PRKCQ: variants seen among roughly 807,000 people sequenced by gnomAD.
PRKCQ encodes protein kinase C theta, also known as protein kinase C theta type.
A neutral mutation model predicts 91.2 loss-of-function variants in PRKCQ; 41 were observed. The ratio of observed to expected loss-of-function variants is 0.45; its 90% confidence interval spans 0.35 to 0.58. The LOEUF (loss-of-function observed/expected upper bound fraction) is 0.58, where lower values mean the gene tolerates loss of function less well. PRKCQ is among the 20% of genes least tolerant of loss of function. PRKCQ has a pLI of 0.00. For missense variants in PRKCQ, 673 were observed against 896.5 expected (o/e 0.75, Z 3.18); for synonymous variants, 307 against 316.9 (o/e 0.97, Z 0.33).
the PRKCQ span, among the ~76,000 whole-genome samples, chr10:6,419,281 TAA>T: frequency 1.3e-5 from 2 of 152,168 alleles, no homozygotes; most frequent in African/African-American, 4.8e-5. Context: ...ACGTATACAT[TAA>T]GTGTTTGTGT....
At chr10:6,481,895 A>G (rs1836618296) in intron 11 of PRKCQ, among the ~76,000 whole-genome samples, 1 of 152,070 alleles carries the variant, frequency 6.6e-6, no homozygotes. Context: ...CCTATATTCC[A>G]TATCATCCCT....
chr10:6,570,755 G>A (rs569105893), intron 1 of PRKCQ, among the ~76,000 whole-genome samples: 104 of 152,028 alleles, frequency 6.8e-4, no homozygotes, highest in African/African-American at 2.4e-3. Flanking sequence ...GGGTTTCACC[G>A]TGTTGGCCAG....
At chr10:6,433,009 T>C (rs1833498283) in intron 16 of PRKCQ, among the ~76,000 whole-genome samples, 1 of 152,204 alleles carries the variant, frequency 6.6e-6, no homozygotes, top group Non-Finnish European at 1.5e-5. Context: ...GGGAGCTCTC[T>C]CTCTTCTGTT....
intron 1 of PRKCQ, among the ~76,000 whole-genome samples, chr10:6,525,939 G>A (rs1418231240): frequency 6.6e-6 from 1 of 152,184 alleles, no homozygotes; most frequent in Non-Finnish European, 1.5e-5. Flanking sequence ...CCCTGGGGAA[G>A]AATCCTTGAA....
At chr10:6,514,689 G>C (rs904897184) in intron 2 of PRKCQ, among the ~76,000 whole-genome samples, 6 of 152,154 alleles carry the variant, frequency 3.9e-5, no homozygotes, top group Non-Finnish European at 7.4e-5. Flanking sequence ...TAACCACATA[G>C]GGCTATGTTC....
At chr10:6,553,498 A>ATAAAAAT (rs773944977) in intron 1 of PRKCQ, among the ~76,000 whole-genome samples, 849 of 37,232 alleles carry the variant, frequency 0.023, 12 homozygotes, top group Middle Eastern at 0.088. Context: ...TCAAAAAAAA[A>ATAAAAAT]AAAAAAAAAA....
chr10:6,455,281 C>G (rs1002219998), intron 15 of PRKCQ, among the ~76,000 whole-genome samples: 20 of 152,222 alleles, frequency 1.3e-4, no homozygotes, highest in African/African-American at 4.6e-4. Context: ...AAACCTGTAT[C>G]TGTGCCAAAC....
At position 6,434,732 on chromosome 10, in the gene PRKCQ, C is replaced by T. The variant is rs555294831; in HGVS notation, c.1837-3794G>A. On this transcript the variant is annotated intron_variant, in intron 16 of 17. Transcript: ENST00000263125. Reference sequence around the variant, plus strand: ...TGTGCAAGAAAGCAGCTCCAGGCTGCAGAGGACAGCCAGCAGTAGTGCTGA... The same window carrying T: ...TGTGCAAGAAAGCAGCTCCAGGCTGTAGAGGACAGCCAGCAGTAGTGCTGA... 3.3e-5 allele frequency among the ~76,000 whole-genome samples: 5 copies of T among 152,356 alleles called. No individual in the cohort carries two copies. In the East Asian group the frequency reaches 9.6e-4, roughly 29 times the overall value.
At chr10:6,408,513 C>A in the PRKCQ span, among the ~76,000 whole-genome samples, 1 of 152,156 alleles carries the variant, frequency 6.6e-6, no homozygotes, top group Non-Finnish European at 1.5e-5. Flanking sequence ...TGCCACCACA[C>A]CCAGCTAATT....
rs572530261 is a variant in PRKCQ at position 6,442,274 on chromosome 10, T to A, written c.1648-193A>T. Among the ~76,000 whole-genome samples the A allele has an allele frequency of 2.0e-4, 30 of 152,334 alleles. No homozygotes were observed. In the South Asian group the frequency reaches 6.0e-3, roughly 30 times the overall value. ...TAAACAATGCTGAAATTTTTGAGTT[T>A]GAGTCTGAGTAAACACTTTTCAGTT... On this transcript the variant is annotated intron_variant, in intron 15 of 17. Coordinates refer to ENST00000263125, the MANE Select transcript of PRKCQ (RefSeq NM_006257.5).
intron 15 of PRKCQ, among the ~76,000 whole-genome samples, chr10:6,445,121 C>CTCAAAAAAAAAA (rs779476076): frequency 1.9e-5 from 2 of 105,420 alleles, no homozygotes; most frequent in African/African-American, 8.8e-5. Flanking sequence ...AAGACTCTGT[C>CTCAAAAAAAAAA]AAAAAAAAAA....
At chr10:6,440,166 C>A (rs757974162) in intron 16 of PRKCQ, among the ~76,000 whole-genome samples, 9 of 152,196 alleles carry the variant, frequency 5.9e-5, no homozygotes, top group Non-Finnish European at 1.0e-4. Context: ...GCCTCCCCAG[C>A]CATGCAGAAC....
chr10:6,428,305 G>C lies in PRKCQ; in HGVS notation c.2023C>G (p.Leu675Val). The stretch of plus-strand genomic sequence containing the variant: ...ATCAGTGCTCTGTCGGCAAATGACA[G>C]CCGGGGCTTCTCGTTTAAGAATTCT... Reference protein sequence around the residue: ...DKEFLNEKPRLSFADRALINS... With the variant: ...DKEFLNEKPRVSFADRALINS... Residue 675 changes from leucine to valine, a missense_variant, in exon 18 of 18, where the codon CTG (leucine) becomes GTG (valine). By Grantham distance (32) the Leu-to-Val change is conservative. Transcript: ENST00000263125. 1.2e-6 allele frequency: 2 copies of C among 1,614,174 alleles called. No homozygotes were observed. The highest frequency in any genetic ancestry group is 8.5e-7 in the Non-Finnish European group (1 of 1,180,024).
intron 16 of PRKCQ, among the ~76,000 whole-genome samples, chr10:6,433,509 A>G (rs1833521456): frequency 6.6e-6 from 1 of 152,044 alleles, no homozygotes; most frequent in Non-Finnish European, 1.5e-5. Flanking sequence ...CAGATCACGC[A>G]TCTTCTATCC....
chr10:6,459,050 C>A (rs749942495), intron 14 of PRKCQ, among the ~76,000 whole-genome samples: 4 of 152,132 alleles, frequency 2.6e-5, no homozygotes, highest in Non-Finnish European at 4.4e-5. Context: ...GCAGCCTTGC[C>A]CCTGAAGCTG....
chr10:6,580,327 G>T (rs1220100462), upstream of PRKCQ: 1 of 149,118 alleles, frequency 6.7e-6, no homozygotes, highest in Non-Finnish European at 1.5e-5. Flanking sequence ...CGGGGCTGGC[G>T]GGCCCGGCGC....
intron 7 of PRKCQ, among the ~76,000 whole-genome samples, chr10:6,494,346 C>G (rs620736): frequency 6.6e-6 from 1 of 152,106 alleles, no homozygotes; most frequent in South Asian, 2.1e-4. Flanking sequence ...TCCCTGGCCA[C>G]GGGAGCACTT....
At chr10:6,417,174 G>A in the PRKCQ span, among the ~76,000 whole-genome samples, 1 of 152,210 alleles carries the variant, frequency 6.6e-6, no homozygotes, top group Admixed American at 6.5e-5. Context: ...TAAGTGGGAG[G>A]AGGAGAGGGT....
chr10:6,505,650 C>T (rs1264375230), intron 4 of PRKCQ, among the ~76,000 whole-genome samples: 1 of 147,200 alleles, frequency 6.8e-6, no homozygotes, highest in East Asian at 2.0e-4. Flanking sequence ...CCTTCCTTTC[C>T]TTTCCTTTCT....
Sources: gnomAD v4.1 joint callset for allele counts (sites outside exome capture counted in the v4.1 genomes callset) on GRCh38, gnomAD v4.1.1 for gene constraint, MANE v1.5 for transcripts, NCBI Gene and HGNC (gene_info 2026-07-23, HGNC 2026-07-21) for gene names.